Variants in CD72 observed in about 807,000 individuals in gnomAD.
CD72 encodes the protein CD72 molecule, also known as B-cell differentiation antigen CD72.
Under a neutral mutation model 50.7 loss-of-function variants are expected in CD72, and 28 were observed. The ratio of observed to expected loss-of-function variants is 0.55; its 90% CI spans 0.41 to 0.76. The LOEUF (loss-of-function observed/expected upper bound fraction) is 0.76. Ranked by LOEUF, CD72 falls within the 30% of genes least tolerant of loss-of-function variation. CD72 has a pLI of 0.00. For missense variants in CD72, 403 were observed against 420.6 expected (o/e 0.96, Z 0.37); for synonymous variants, 176 against 171.2 (o/e 1.03, Z -0.22).
chr9:35,621,829 C>G (rs1030365834), upstream of CD72, among the ~76,000 whole-genome samples: 1 of 152,140 alleles, frequency 6.6e-6, no homozygotes, highest in Non-Finnish European at 1.5e-5. Flanking sequence ...ATGCAAGAAG[C>G]CTCTGAGAGC....
chr9:35,637,386 G>T (rs972847808), intron 1 of CD72, among the ~76,000 whole-genome samples: 5 of 152,156 alleles, frequency 3.3e-5, no homozygotes, highest in African/African-American at 1.2e-4. Flanking sequence ...TTCGGGAGGC[G>T]GGTCCCCTGT....
chr9:35,611,068 G>A (rs1004872408), intron 7 of CD72, among the ~76,000 whole-genome samples: 2 of 152,148 alleles, frequency 1.3e-5, no homozygotes, highest in Admixed American at 6.5e-5. Context: ...TGACTAACAC[G>A]GTGAAACCCC....
At chr9:35,633,120 T>C (rs1048368739) in intron 1 of CD72, among the ~76,000 whole-genome samples, 3 of 150,786 alleles carry the variant, frequency 2.0e-5, no homozygotes, top group African/African-American at 4.9e-5. Context: ...TTTTTTTTTT[T>C]CTTCAGAGAT....
At chr9:35,618,616 A>T, upstream of CD72, 1 of 610,420 alleles carries the variant, frequency 1.6e-6, no homozygotes, top group South Asian at 1.7e-5. Context: ...CATGCATCTT[A>T]AACCCATATG....
chr9:35,637,429 C>A (rs1033919877), intron 1 of CD72, among the ~76,000 whole-genome samples: 1 of 152,186 alleles, frequency 6.6e-6, no homozygotes, highest in South Asian at 2.1e-4. Context: ...GATCCACCTA[C>A]AACCTCGGGT....
chr9:35,619,936 G>A (rs1823129341), upstream of CD72, among the ~76,000 whole-genome samples: 1 of 152,088 alleles, frequency 6.6e-6, no homozygotes, highest in African/African-American at 2.4e-5. Context: ...GTCCTTGCTT[G>A]ATTAAAGTTT....
At chr9:35,615,461 C>G (rs980507814) in intron 5 of CD72, among the ~76,000 whole-genome samples, 29 of 152,152 alleles carry the variant, frequency 1.9e-4, no homozygotes, top group African/African-American at 6.8e-4. Context: ...CCAGCTCCAC[C>G]TCACTGTGAG....
chr9:35,613,230 G>A (rs890032998), intron 5 of CD72, among the ~76,000 whole-genome samples: 1 of 151,976 alleles, frequency 6.6e-6, no homozygotes, highest in African/African-American at 2.4e-5. Flanking sequence ...TCTTAATAGG[G>A]CTGATTTTAT....
At chr9:35,641,013 C>A (rs1293929070) in intron 1 of CD72, among the ~76,000 whole-genome samples, 9 of 152,228 alleles carry the variant, frequency 5.9e-5, no homozygotes, top group Admixed American at 5.9e-4. Flanking sequence ...AGTCACCTTC[C>A]CAGCTACGCT....
intron 1 of CD72, among the ~76,000 whole-genome samples, chr9:35,638,325 C>G (rs1433244765): frequency 6.6e-6 from 1 of 152,002 alleles, no homozygotes; most frequent in Non-Finnish European, 1.5e-5. Context: ...CCAGACTGCT[C>G]CTCCTCAGGT....
At chr9:35,636,138 T>C (rs1277626009) in intron 1 of CD72, among the ~76,000 whole-genome samples, 1 of 152,162 alleles carries the variant, frequency 6.6e-6, no homozygotes, top group Admixed American at 6.5e-5. Context: ...TGTGAGTAGC[T>C]GACCTGAGTT....
At position 35,613,003 on chromosome 9, in the gene CD72, A is replaced by C. The variant is rs779303143; in HGVS notation, c.689-10T>G. The stretch of plus-strand genomic sequence containing the variant: ...GACGGACAGCAGGTGTCTAAAAAGC[A>C]GAAAGAGTGTGATAGCAGCAACAGT... On this transcript the variant is annotated splice_polypyrimidine_tract_variant and intron_variant, in intron 5 of 8. Coordinates refer to ENST00000259633, the MANE Select transcript of CD72 (RefSeq NM_001782.3). 10 of 1,604,250 alleles carry C rather than the reference A, an allele frequency of 6.2e-6. No homozygotes were observed. In the South Asian group the frequency reaches 1.1e-4, roughly 18 times the overall value.
intron 3 of CD72, 84 bp from the exon 4 acceptor site, chr9:35,616,773 C>T: frequency 8.1e-7 from 1 of 1,233,666 alleles, no homozygotes. Context: ...GGGGGAGACC[C>T]CTGGGGAAGG....
chr9:35,631,678 C>T (rs940303888), intron 1 of CD72, among the ~76,000 whole-genome samples: 5 of 152,062 alleles, frequency 3.3e-5, no homozygotes, highest in African/African-American at 4.8e-5. Context: ...CGGATCACGA[C>T]GTCAGCAGAT....
At chr9:35,615,862 C>G (rs2131763349) in intron 5 of CD72, 81 bp downstream of exon 5, 2 of 1,139,962 alleles carry the variant, frequency 1.8e-6, no homozygotes, top group African/African-American at 3.1e-5. Flanking sequence ...CCTCACAGGC[C>G]CCTGGGTGAT....
At position 35,611,819 on chromosome 9, in the gene CD72, T is replaced by TCATC; in HGVS notation, c.931_934dup (p.Asp312GlyfsTer2). The stretch of plus-strand genomic sequence containing the variant: ...ACAAACTTACCTAGTGCGTTGTGTA[T>TCATC]CATCAGTCAACTTCCAATCCTTGTT... On this transcript the variant is annotated stop_gained and frameshift_variant, in exon 7 of 9. Coordinates refer to ENST00000259633, the MANE Select transcript of CD72 (RefSeq NM_001782.3). LOFTEE classifies it high-confidence loss of function. The TCATC allele has an allele frequency of 6.3e-7, 1 of 1,597,012 alleles. No individual in the cohort carries two copies. Among genetic ancestry groups the TCATC allele is most frequent in the East Asian group, 2.2e-5 (1 of 44,796 alleles).
intron 1 of CD72, among the ~76,000 whole-genome samples, chr9:35,645,199 CAAAAA>C (rs539705878): frequency 3.2e-5 from 3 of 95,136 alleles, no homozygotes; most frequent in Non-Finnish European, 2.0e-5. Context: ...AACTCCGTCT[CAAAAA>C]AAAAAAAAAA....
intron 1 of CD72, among the ~76,000 whole-genome samples, chr9:35,631,299 G>C (rs1473357861): frequency 6.6e-6 from 1 of 152,014 alleles, no homozygotes. Flanking sequence ...TTTCAGATGA[G>C]CGTAACAATT....
upstream of CD72, chr9:35,618,684 C>T (rs925743447): frequency 4.4e-6 from 4 of 915,934 alleles, no homozygotes; most frequent in Non-Finnish European, 6.1e-6. Flanking sequence ...CTGCCCCACC[C>T]TCCTCCTGGC....
Sources: gnomAD v4.1 joint callset for allele counts (sites outside exome capture counted in the v4.1 genomes callset) on GRCh38, gnomAD v4.1.1 for gene constraint, MANE v1.5 for transcripts, NCBI Gene and HGNC (gene_info 2026-07-23, HGNC 2026-07-21) for gene names.